The following TBC1D12 variants were observed in gnomAD, a reference collection of about 807,000 sequenced individuals.
TBC1D12 encodes TBC1 domain family member 12, also known as TBC1 domain family, member 12.
In TBC1D12, 56 loss-of-function variants were observed where a neutral mutation model predicts 86.7. That is an observed-to-expected ratio of 0.65 (90% CI 0.52 to 0.81). The LOEUF (loss-of-function observed/expected upper bound fraction) is 0.81, where lower values mean the gene tolerates loss of function less well. Among genes scored for constraint, TBC1D12 ranks in the 30% least tolerant of loss-of-function variants. TBC1D12 has a pLI of 0.00. For missense variants in TBC1D12, 1,023 were observed against 1,038.8 expected (o/e 0.98, Z 0.21); for synonymous variants, 421 against 411.7 (o/e 1.02, Z -0.27).
At chr10:94,414,885 G>T (rs2054978470) in intron 1 of TBC1D12, among the ~76,000 whole-genome samples, 1 of 151,906 alleles carries the variant, frequency 6.6e-6, no homozygotes, top group Non-Finnish European at 1.5e-5. Context: ...CAGGCAAACT[G>T]AACTATTTTT....
intron 2 of TBC1D12, among the ~76,000 whole-genome samples, chr10:94,472,024 A>T (rs1401030429): frequency 6.6e-6 from 1 of 152,190 alleles, no homozygotes; most frequent in Non-Finnish European, 1.5e-5. Flanking sequence ...CTTTTGTGAT[A>T]TTTAAGTGGA....
intron 6 of TBC1D12, among the ~76,000 whole-genome samples, chr10:94,502,304 C>G (rs1011143689): frequency 1.2e-4 from 18 of 151,790 alleles, no homozygotes; most frequent in African/African-American, 3.6e-4. Context: ...TGCACTCCAG[C>G]CTGGGCAACA....
At chr10:94,444,424 C>CT (rs886141207) in intron 2 of TBC1D12, among the ~76,000 whole-genome samples, 17 of 150,898 alleles carry the variant, frequency 1.1e-4, no homozygotes, top group Non-Finnish European at 2.1e-4. Flanking sequence ...GTTTTAGCTC[C>CT]TTTTTTTTTC....
intron 3 of TBC1D12, among the ~76,000 whole-genome samples, chr10:94,481,884 G>C (rs1279845683): frequency 6.6e-6 from 1 of 152,046 alleles, no homozygotes; most frequent in African/African-American, 2.4e-5. Flanking sequence ...AGGCATGCAA[G>C]TGCATAATAA....
chr10:94,507,418 A>G, intron 7 of TBC1D12, 71 bp downstream of exon 7: 1 of 1,319,916 alleles, frequency 7.6e-7, no homozygotes, highest in South Asian at 1.3e-5. Flanking sequence ...CAGAAGCTGT[A>G]GTAATCGCTT....
At chr10:94,506,633 G>A (rs553217117) in intron 6 of TBC1D12, among the ~76,000 whole-genome samples, 6 of 152,240 alleles carry the variant, frequency 3.9e-5, no homozygotes, top group Admixed American at 6.5e-5. Context: ...TGGGAGTGCC[G>A]TGACTAGGCA....
chr10:94,520,691 GCT>G (rs1220871196), intron 9 of TBC1D12, among the ~76,000 whole-genome samples: 1 of 151,752 alleles, frequency 6.6e-6, no homozygotes, highest in Non-Finnish European at 1.5e-5. Flanking sequence ...ACCGAGTCTC[GCT>G]CTGTCACCCA....
intron 1 of TBC1D12, among the ~76,000 whole-genome samples, chr10:94,408,970 A>G (rs2054892255): frequency 6.6e-6 from 1 of 152,218 alleles, no homozygotes; most frequent in East Asian, 1.9e-4. Context: ...AAATTTTAGG[A>G]AAACTGAAAA....
At chr10:94,513,961 G>A (rs1026630078) in intron 9 of TBC1D12, among the ~76,000 whole-genome samples, 4 of 151,346 alleles carry the variant, frequency 2.6e-5, no homozygotes, top group African/African-American at 9.7e-5. Context: ...AGAGTAATTT[G>A]AGATTTACTC....
chr10:94,406,398 A>C (rs1479008975), intron 1 of TBC1D12, among the ~76,000 whole-genome samples: 1 of 152,230 alleles, frequency 6.6e-6, no homozygotes, highest in African/African-American at 2.4e-5. Flanking sequence ...TCTAGGAGTC[A>C]GTGCTTCCTT....
chr10:94,456,020 A>G (rs1564955077), intron 2 of TBC1D12, among the ~76,000 whole-genome samples: 1 of 151,762 alleles, frequency 6.6e-6, no homozygotes, highest in Admixed American at 6.6e-5. Flanking sequence ...CTCTGTAGTG[A>G]TGTCTCTACT....
chr10:94,445,508 C>T (rs1403414631), intron 2 of TBC1D12, among the ~76,000 whole-genome samples: 7 of 152,170 alleles, frequency 4.6e-5, no homozygotes, highest in African/African-American at 7.2e-5. Flanking sequence ...GATTATTTCT[C>T]TGCGCCACTT....
intron 11 of TBC1D12, among the ~76,000 whole-genome samples, chr10:94,529,071 C>T (rs1240809827): frequency 2.0e-5 from 3 of 151,778 alleles, no homozygotes; most frequent in Admixed American, 6.6e-5. Context: ...AGTGCAGTGG[C>T]GTGATCACAG....
rs60647037 is a variant in TBC1D12 at position 94,527,082 on chromosome 10, T to TTGTGTGTGTGTGTGTGTGTGTGTGTG, written c.2001-4096_2001-4095insTGTGTGTGTGTGTGTGTGTGTGTGTG. On this transcript the variant is annotated intron_variant, in intron 11 of 12. Coordinates refer to ENST00000225235, the MANE Select transcript of TBC1D12 (RefSeq NM_015188.2). ...TTTGCCCATTTTTTAGCTGGATTGA[T>TTGTGTGTGTGTGTGTGTGTGTGTGTG]TGTGTGTGTGTGTGTGTGTGTGTGA... Among the ~76,000 whole-genome samples, 957 of 148,294 alleles carry TTGTGTGTGTGTGTGTGTGTGTGTGTG rather than the reference T, an allele frequency of 6.5e-3. 15 individuals are homozygous for TTGTGTGTGTGTGTGTGTGTGTGTGTG. The highest frequency in any genetic ancestry group is 0.023 in the African/African-American group (910 of 40,010).
intron 5 of TBC1D12, among the ~76,000 whole-genome samples, chr10:94,498,228 A>G (rs1057370886): frequency 1.3e-5 from 2 of 152,196 alleles, no homozygotes; most frequent in African/African-American, 4.8e-5. Flanking sequence ...GTATTAGAAG[A>G]TGCACTTATT....
intron 2 of TBC1D12, among the ~76,000 whole-genome samples, chr10:94,449,663 G>A (rs2055520763): frequency 6.6e-6 from 1 of 152,174 alleles, no homozygotes; most frequent in Non-Finnish European, 1.5e-5. Flanking sequence ...ACTCACTAAT[G>A]TGGTTTAACA....
At position 94,526,432 on chromosome 10, in the gene TBC1D12, G is replaced by GA. The variant is rs1288214393; in HGVS notation, c.2000+3994dup. ...CAACAGAACCAGACCCTGTCTCTGA[G>GA]AAAAAAAAAAAAAAAGAAAGAAAAA... On this transcript the variant is annotated intron_variant, in intron 11 of 12. Transcript: ENST00000225235. Among the ~76,000 whole-genome samples the GA allele has an allele frequency of 6.3e-3, 701 of 110,838 alleles. 3 individuals carry two copies. Among genetic ancestry groups the GA allele is most frequent in the Admixed American group, 7.7e-3 (80 of 10,360 alleles). The allele number at this position is 110,838 out of a possible 152,430, so 72.7% of individuals were successfully genotyped here.
intron 11 of TBC1D12, 105 bp from the exon 12 acceptor site, chr10:94,531,097 T>A (rs1162775220): frequency 1.5e-5 from 20 of 1,320,646 alleles, no homozygotes; most frequent in Non-Finnish European, 2.1e-5. Context: ...GTTATTTGCC[T>A]TCTTATCCCT....
chr10:94,449,689 G>A (rs1355832809), intron 2 of TBC1D12, among the ~76,000 whole-genome samples: 1 of 152,152 alleles, frequency 6.6e-6, no homozygotes, highest in Admixed American at 6.5e-5. Context: ...CCCTTTAAGG[G>A]GAGTGTTCCT....
Sources: allele counts gnomAD v4.1 joint callset (sites outside exome capture counted in the v4.1 genomes callset), GRCh38; gene constraint gnomAD v4.1.1; transcripts MANE v1.5; gene names NCBI Gene and HGNC (gene_info 2026-07-23, HGNC 2026-07-21).